The following PIAS1 variants were observed in gnomAD, a reference collection of about 807,000 sequenced individuals.
PIAS1 encodes the protein E3 SUMO-protein ligase PIAS1.
Under a neutral mutation model 71.3 loss-of-function variants are expected in PIAS1, and 6 were observed. That is an observed-to-expected ratio of 0.08 (90% confidence interval 0.05 to 0.17). PIAS1 has a LOEUF of 0.17. Among genes scored for constraint, PIAS1 ranks in the 10% least tolerant of loss-of-function variants. PIAS1 has a pLI of 1.00. For missense variants in PIAS1, 555 were observed against 793.6 expected, an observed-to-expected ratio of 0.70 and a Z score of 3.61; for synonymous variants, 303 against 292.9, an observed-to-expected ratio of 1.03 and a Z score of -0.35.
chr15:68,141,795 T>G lies in PIAS1; in HGVS notation c.470-151T>G, dbSNP rs535930542. The G allele has an allele frequency of 3.2e-5, 18 of 568,860 alleles. No individual in the cohort carries two copies. In the South Asian group the frequency reaches 4.3e-4, roughly 14 times the overall value. 35.2% of individuals were successfully genotyped at this position (568,860 alleles called of 1,614,324 possible). A position where few individuals can be genotyped will look rare whatever the true frequency, so the allele number is the denominator to read the frequency against. The stretch of plus-strand genomic sequence containing the variant: ...TCTGTTTGTTATGTTACAATTAGTG[T>G]ATTTCTTATTTTTCAGTGCTTTAAT... On this transcript the variant is annotated intron_variant, in intron 2 of 13. Coordinates refer to ENST00000249636, the MANE Select transcript of PIAS1 (RefSeq NM_016166.3).
intron 8 of PIAS1, among the ~76,000 whole-genome samples, chr15:68,166,253 G>A (rs1003774551): frequency 1.3e-5 from 2 of 151,724 alleles, no homozygotes; most frequent in African/African-American, 4.8e-5. Context: ...TTATATTAGT[G>A]TTAAAAATTC....
Position 68,189,099 on chromosome 15 carries a change from CAA to C in PIAS1, c.*1265_*1266del, listed in dbSNP as rs2093106134. 1 of 152,122 alleles carries C rather than the reference CAA, an allele frequency of 6.6e-6. No individual in the cohort carries two copies. Among genetic ancestry groups the C allele is most frequent in the Admixed American group, 6.5e-5 (1 of 15,272 alleles). The allele number at this position is 152,122 out of a possible 1,614,324, so 9.4% of individuals were successfully genotyped here. A position where few individuals can be genotyped will look rare whatever the true frequency, so the allele number is the denominator to read the frequency against. Reference sequence around the variant, plus strand: ...GTTTATCTTTTTCTTCACCTTTTAACAAGTATGACATAGGAAAGTCATTTTTT... The same window carrying C: ...GTTTATCTTTTTCTTCACCTTTTAACGTATGACATAGGAAAGTCATTTTTT... On this transcript the variant is annotated 3_prime_UTR_variant, in exon 14 of 14. Coordinates refer to ENST00000249636, the MANE Select transcript of PIAS1 (RefSeq NM_016166.3).
At chr15:68,146,824 A>G (rs1050399179) in intron 6 of PIAS1, 124 bp downstream of exon 6, 13 of 766,832 alleles carry the variant, frequency 1.7e-5, no homozygotes, top group African/African-American at 1.6e-4. Flanking sequence ...TTGTCTCACA[A>G]TGAATTTTCA....
chr15:68,095,525 T>C (rs1383836852), intron 2 of PIAS1, among the ~76,000 whole-genome samples: 1 of 151,090 alleles, frequency 6.6e-6, no homozygotes, highest in Admixed American at 6.6e-5. Context: ...TTTTAAGACA[T>C]TCTTTTTTTT....
chr15:68,139,585 G>A (rs1027092604), intron 2 of PIAS1, among the ~76,000 whole-genome samples: 6 of 152,060 alleles, frequency 3.9e-5, no homozygotes, highest in African/African-American at 9.7e-5. Flanking sequence ...GCTATATACT[G>A]TATGTGTCAA....
chr15:68,061,649 C>T (rs1458057625), intron 1 of PIAS1, among the ~76,000 whole-genome samples: 3 of 152,160 alleles, frequency 2.0e-5, no homozygotes, highest in African/African-American at 7.2e-5. Context: ...CTCTTTTTTA[C>T]CTTTTTTGCT....
intron 1 of PIAS1, among the ~76,000 whole-genome samples, chr15:68,068,337 C>G (rs1329713853): frequency 6.6e-6 from 1 of 152,156 alleles, no homozygotes; most frequent in Admixed American, 6.5e-5. Context: ...CCACTGTACT[C>G]CAGCCTGAAG....
chr15:68,106,351 CAAAAA>C (rs11313083), intron 2 of PIAS1, among the ~76,000 whole-genome samples: 24 of 92,846 alleles, frequency 2.6e-4, no homozygotes, highest in African/African-American at 7.5e-4. Context: ...ATGACCTTTG[CAAAAA>C]AAAAAAAAAA....
At chr15:68,172,984 A>G (rs1439029550) in intron 8 of PIAS1, among the ~76,000 whole-genome samples, 1 of 152,254 alleles carries the variant, frequency 6.6e-6, no homozygotes, top group Non-Finnish European at 1.5e-5. Context: ...CTTCCTCCTC[A>G]GAGCTGCCAC....
rs2092152960 is a variant in PIAS1 at position 68,075,501 on chromosome 15, A to T, written c.25-10805A>T. 5.3e-5 allele frequency among the ~76,000 whole-genome samples: 8 copies of T among 152,074 alleles called. 1 individual carries two copies. In the South Asian group the frequency reaches 1.7e-3, roughly 31 times the overall value. On this transcript the variant is annotated intron_variant, in intron 1 of 13. Coordinates refer to ENST00000249636, the MANE Select transcript of PIAS1 (RefSeq NM_016166.3). ...TGTTCTGAAGATAATGATCATAATG[A>T]TCTGTAAGTTTTGTGGAAAGTTAGC...
Position 68,167,682 on chromosome 15 carries a change from A to G in PIAS1, c.1008+2878A>G, listed in dbSNP as rs1035585682. Among the ~76,000 whole-genome samples the G allele has an allele frequency of 3.9e-5, 6 of 152,126 alleles. No individual in the cohort carries two copies. Among genetic ancestry groups the G allele is most frequent in the African/African-American group, 1.2e-4 (5 of 41,444 alleles). On this transcript the variant is annotated intron_variant, in intron 8 of 13. Transcript: ENST00000249636. The surrounding 1 kb of genome is among the most constrained non-coding windows in gnomAD (Gnocchi z 4.4). Reference sequence around the variant, plus strand: ...ATTTATGAAATATTTATTATTGTGAAAAAAACTTGTGAAATTATTCTTTTT... The same window carrying G: ...ATTTATGAAATATTTATTATTGTGAGAAAAACTTGTGAAATTATTCTTTTT...
chr15:68,059,835 C>T (rs1463154907), intron 1 of PIAS1, among the ~76,000 whole-genome samples: 2 of 152,052 alleles, frequency 1.3e-5, no homozygotes, highest in East Asian at 3.8e-4. Flanking sequence ...GCCTCGGTTT[C>T]CCAAAGTGTT....
At position 68,054,586 on chromosome 15, in the gene PIAS1, C is replaced by T. The variant is rs2091874083; in HGVS notation, c.24+236C>T. ...GTCCCCGGCGTGTTATTGTTGTGGG[C>T]GCCTCTGGCGGGGGTGGCGGGGGAA... On this transcript the variant is annotated intron_variant, in intron 1 of 13. Coordinates refer to ENST00000249636, the MANE Select transcript of PIAS1 (RefSeq NM_016166.3). This position sits in a 1 kb window ranked among gnomAD's most constrained non-coding sequence, Gnocchi z 4.6. 4 of 428,648 alleles carry T rather than the reference C, an allele frequency of 9.3e-6. 1 individual carries two copies. The highest frequency in any genetic ancestry group is 1.2e-3 in the Middle Eastern group (2 of 1,626). 26.6% of individuals were successfully genotyped at this position (428,648 alleles called of 1,614,324 possible).
intron 2 of PIAS1, among the ~76,000 whole-genome samples, chr15:68,112,249 ATTCT>A (rs1369864320): frequency 6.6e-6 from 1 of 152,086 alleles, no homozygotes; most frequent in Non-Finnish European, 1.5e-5. Context: ...TTGCTTAGTA[ATTCT>A]TTCTCTGCTA....
At chr15:68,073,597 T>G (rs1177262086) in intron 1 of PIAS1, among the ~76,000 whole-genome samples, 3 of 152,110 alleles carry the variant, frequency 2.0e-5, no homozygotes, top group Non-Finnish European at 4.4e-5. Context: ...ACATCAAAAT[T>G]GAGAACTTAC....
At chr15:68,089,978 G>A (rs2092319663) in intron 2 of PIAS1, among the ~76,000 whole-genome samples, 1 of 151,528 alleles carries the variant, frequency 6.6e-6, no homozygotes, top group South Asian at 2.1e-4. Context: ...CTTTCCGGCT[G>A]AAGCAGTTCT....
intron 1 of PIAS1, among the ~76,000 whole-genome samples, chr15:68,056,091 G>T (rs528354835): frequency 6.6e-6 from 1 of 152,290 alleles, no homozygotes; most frequent in East Asian, 1.9e-4. Context: ...ATAAAAAAAA[G>T]CACACAACTT....
intron 2 of PIAS1, among the ~76,000 whole-genome samples, chr15:68,093,448 G>A (rs1481389842): frequency 6.6e-6 from 1 of 152,168 alleles, no homozygotes; most frequent in East Asian, 1.9e-4. Context: ...TGGTCTGGAT[G>A]TTCTATAAAG....
At chr15:68,159,368 T>C (rs2092910603) in intron 7 of PIAS1, among the ~76,000 whole-genome samples, 1 of 152,166 alleles carries the variant, frequency 6.6e-6, no homozygotes, top group African/African-American at 2.4e-5. Flanking sequence ...TTTTTTAAAG[T>C]ATAACTTATA....
Sources: gnomAD v4.1 joint callset for allele counts (sites outside exome capture counted in the v4.1 genomes callset) on GRCh38, gnomAD v4.1.1 for gene constraint, Gnocchi (gnomAD v3.1) non-coding constraint, MANE v1.5 for transcripts, NCBI Gene and HGNC (gene_info 2026-07-23, HGNC 2026-07-21) for gene names.